THOC2: variants seen among roughly 807,000 people sequenced by gnomAD.
THOC2 encodes the protein THO complex 2.
THOC2 carries 10 observed loss-of-function variants against 128.4 expected under a neutral mutation model. That is an observed-to-expected ratio of 0.08 (90% CI 0.05 to 0.13). The LOEUF is 0.13. THOC2 is among the 10% of genes least tolerant of loss of function. The pLI, the probability that THOC2 is intolerant of heterozygous loss-of-function variation, is 1.00. For missense variants in THOC2, 535 were observed against 1,155.7 expected, an observed-to-expected ratio of 0.46 and a Z score of 7.79; for synonymous variants, 393 against 396.9, an observed-to-expected ratio of 0.99 and a Z score of 0.12.
chrX:123,640,429 C>T, intron 16 of THOC2, 109 bp downstream of exon 16: 1 of 519,626 alleles, frequency 1.9e-6, no homozygotes, highest in Non-Finnish European at 3.0e-6. Context: ...TTGTTTTTAG[C>T]ATAACCTTAC....
At chrX:123,691,933 T>C (rs1454375385) in intron 7 of THOC2, among the ~76,000 whole-genome samples, 1 of 112,148 alleles carries the variant, frequency 8.9e-6, no homozygotes, top group Non-Finnish European at 1.9e-5. Context: ...ATTTATGTAC[T>C]ATCTATAGCT....
chrX:123,703,073 T>C (rs1648621042), intron 4 of THOC2, among the ~76,000 whole-genome samples: 1 of 111,589 alleles, frequency 9.0e-6, no homozygotes, highest in Non-Finnish European at 1.9e-5. Context: ...ATCAAAAGAG[T>C]ACAAGAGCAA....
chrX:123,642,054 C>T (rs371144237), intron 15 of THOC2, among the ~76,000 whole-genome samples: 1 of 112,206 alleles, frequency 8.9e-6, no homozygotes, highest in African/African-American at 3.2e-5. Flanking sequence ...TTAATGCCTA[C>T]GATGACAGTC....
chrX:123,633,114 A>C (rs1047883031), intron 20 of THOC2, 74 bp from the exon 21 acceptor site: 5 of 786,754 alleles, frequency 6.4e-6, no homozygotes, highest in Middle Eastern at 3.8e-4. Flanking sequence ...ACACAGAAAA[A>C]AGTTGAGTTA....
intron 38 of THOC2, chrX:123,601,656 A>G (rs1165711584): frequency 9.1e-6 from 1 of 110,401 alleles, no homozygotes; most frequent in Non-Finnish European, 1.9e-5. Flanking sequence ...CTTTTTGTCC[A>G]TTCTTAGAAT....
intron 12 of THOC2, among the ~76,000 whole-genome samples, chrX:123,652,455 T>G (rs1387928831): frequency 9.0e-6 from 1 of 111,358 alleles, no homozygotes; most frequent in Non-Finnish European, 1.9e-5. Context: ...GAGAAAGAAA[T>G]AAAGGGTACT....
At chrX:123,680,509 C>T (rs2049721907) in intron 8 of THOC2, among the ~76,000 whole-genome samples, 1 of 109,846 alleles carries the variant, frequency 9.1e-6, no homozygotes. Flanking sequence ...TGCTGAACGC[C>T]GGTCCCCTGG....
chrX:123,710,606 T>C (rs1407827016), intron 2 of THOC2, among the ~76,000 whole-genome samples: 1 of 110,684 alleles, frequency 9.0e-6, no homozygotes, highest in Non-Finnish European at 1.9e-5. Context: ...AACAAGAAAA[T>C]AATTTGGGGG....
chrX:123,678,262 T>C (rs2049591711), intron 8 of THOC2, among the ~76,000 whole-genome samples: 1 of 107,523 alleles, frequency 9.3e-6, no homozygotes, highest in Non-Finnish European at 1.9e-5. Context: ...GTCCATGTTT[T>C]CAAACTTTTT....
At position 123,684,013 on chromosome X, in the gene THOC2, TTCTTATA is replaced by T. The variant is rs747809531; in HGVS notation, c.768+2528_768+2534del. Among the ~76,000 whole-genome samples the T allele has an allele frequency of 5.6e-3, 617 of 111,062 alleles. 4 individuals are homozygous for T. Among genetic ancestry groups the T allele is most frequent in the Middle Eastern group, 0.018 (4 of 217 alleles). On this transcript the variant is annotated intron_variant, in intron 8 of 38. Transcript: ENST00000245838. ...AATTAAGTATTTATTGGGTAAGTAT[TTCTTATA>T]TAAGAAAAATGGTCGTTGTCTACAA...
intron 32 of THOC2, 184 bp downstream of exon 32, chrX:123,620,723 A>T (rs770233689): frequency 1.1e-4 from 43 of 375,536 alleles, no homozygotes; most frequent in African/African-American, 1.0e-3. Flanking sequence ...ACATTTTTAT[A>T]ATAAAAATAC....
intron 12 of THOC2, among the ~76,000 whole-genome samples, chrX:123,662,543 G>A (rs1405056635): frequency 1.2e-4 from 12 of 100,016 alleles, no homozygotes; most frequent in South Asian, 4.8e-4. Flanking sequence ...AGCCGAGATC[G>A]CGCCACTGGA....
intron 2 of THOC2, among the ~76,000 whole-genome samples, chrX:123,710,149 G>C (rs1045497749): frequency 3.6e-5 from 4 of 112,034 alleles, no homozygotes; most frequent in Non-Finnish European, 7.5e-5. Context: ...ACGCCTGCCT[G>C]TTGACAGAGA....
At chrX:123,655,823 C>A (rs1160628287) in intron 12 of THOC2, among the ~76,000 whole-genome samples, 1 of 111,444 alleles carries the variant, frequency 9.0e-6, no homozygotes, top group Non-Finnish European at 1.9e-5. Flanking sequence ...CATATACAGT[C>A]TTTCTAGACA....
intron 25 of THOC2, among the ~76,000 whole-genome samples, chrX:123,624,954 T>C (rs1196326578): frequency 8.9e-6 from 1 of 111,849 alleles, no homozygotes; most frequent in East Asian, 2.8e-4. Flanking sequence ...ATAAGTTGTT[T>C]TTTTTTTATT....
Position 123,626,662 on chromosome X carries a change from G to A in THOC2, c.2758C>T (p.Pro920Ser). Residue 920 changes from proline (P) to serine (S), a missense_variant and splice_region_variant, in exon 24 of 39, where the codon CCC (proline) becomes TCC (serine). By Grantham distance (74) the Pro-to-Ser change is moderately conservative (BLOSUM62 -1). Coordinates refer to ENST00000245838, the MANE Select transcript of THOC2 (RefSeq NM_001081550.2). ...TTCTCTTTTTTCTTTTTATTTGGGG[G>A]CTACAAAGAATTCAATTAGACACTT... ...MKAIDDNQEM[P>S]PNKKKKEKER... The A allele has an allele frequency of 8.4e-7, 1 of 1,184,488 alleles. No homozygotes were observed. The highest frequency in any genetic ancestry group is 2.6e-5 in the Admixed American group (1 of 38,268).
chrX:123,603,796 T>C, intron 38 of THOC2: 1 of 277,106 alleles, frequency 3.6e-6, no homozygotes. Flanking sequence ...AAGAAGATAC[T>C]GGATGTCAGT....
intron 2 of THOC2, among the ~76,000 whole-genome samples, chrX:123,711,789 A>G (rs1603336409): frequency 9.2e-6 from 1 of 108,726 alleles, no homozygotes; most frequent in South Asian, 4.0e-4. Flanking sequence ...ATCTCAAATA[A>G]ATAAATAAAT....
At chrX:123,612,199 G>A (rs1319607837) in intron 36 of THOC2, among the ~76,000 whole-genome samples, 1 of 111,456 alleles carries the variant, frequency 9.0e-6, no homozygotes, top group African/African-American at 3.3e-5. Flanking sequence ...TTAAAAATAG[G>A]TGTTTGAACA....
Sources: allele counts gnomAD v4.1 joint callset (sites outside exome capture counted in the v4.1 genomes callset), GRCh38; gene constraint gnomAD v4.1.1; transcripts MANE v1.5; gene names NCBI Gene and HGNC (gene_info 2026-07-23, HGNC 2026-07-21).